Variants in KIF13B observed in about 807,000 individuals in gnomAD.
The protein encoded by KIF13B is kinesin-like protein KIF13B.
KIF13B carries 127 observed loss-of-function variants against 222.0 expected under a neutral mutation model. The observed-to-expected ratio is 0.57, with a 90% CI of 0.50 to 0.66. The LOEUF (loss-of-function observed/expected upper bound fraction) is 0.66, where lower values mean the gene tolerates loss of function less well. KIF13B is among the 30% of genes least tolerant of loss of function. The pLI is 0.00. For missense variants in KIF13B, 2,173 were observed against 2,379.0 expected, an observed-to-expected ratio of 0.91 and a Z score of 1.80; for synonymous variants, 976 against 919.0, an observed-to-expected ratio of 1.06 and a Z score of -1.12.
At chr8:29,217,172 C>T (rs1479052803) in intron 2 of KIF13B, among the ~76,000 whole-genome samples, 1 of 152,210 alleles carries the variant, frequency 6.6e-6, no homozygotes, top group South Asian at 2.1e-4. Flanking sequence ...TGTGCTCCCC[C>T]ACCCTGTAGA....
chr8:29,152,282 G>T (rs1266077930), intron 14 of KIF13B, among the ~76,000 whole-genome samples: 3 of 152,162 alleles, frequency 2.0e-5, no homozygotes, highest in African/African-American at 7.2e-5. Context: ...GACAACAGAG[G>T]GTTTAGAATA....
chr8:29,156,579 A>G (rs531735115), intron 13 of KIF13B, among the ~76,000 whole-genome samples: 23 of 152,012 alleles, frequency 1.5e-4, no homozygotes, highest in African/African-American at 5.3e-4. Context: ...CAGAGACACT[A>G]TCCATGCTCA....
intron 9 of KIF13B, among the ~76,000 whole-genome samples, chr8:29,177,032 C>T (rs1812509055): frequency 6.6e-6 from 1 of 152,208 alleles, no homozygotes; most frequent in African/African-American, 2.4e-5. Flanking sequence ...AGCTTTGATC[C>T]TCTCTATAGC....
At chr8:29,095,532 C>T (rs552663502) in intron 36 of KIF13B, among the ~76,000 whole-genome samples, 3 of 152,208 alleles carry the variant, frequency 2.0e-5, no homozygotes, top group African/African-American at 4.8e-5. Context: ...TTTGGGAGGC[C>T]GAGGCGGGTG....
At chr8:29,209,885 C>CAAAAA (rs11414197) in intron 2 of KIF13B, among the ~76,000 whole-genome samples, 2 of 107,494 alleles carry the variant, frequency 1.9e-5, no homozygotes, top group Non-Finnish European at 3.5e-5. Flanking sequence ...TACCTCTCCA[C>CAAAAA]AAAAAAAAAA....
chr8:29,262,732 G>T (rs1333832968), intron 1 of KIF13B, among the ~76,000 whole-genome samples: 1 of 151,512 alleles, frequency 6.6e-6, no homozygotes, highest in East Asian at 1.9e-4. Context: ...GCAGGCGGAA[G>T]GGGCAGCGGG....
chr8:29,213,731 C>T (rs1164194842), intron 2 of KIF13B, among the ~76,000 whole-genome samples: 1 of 151,896 alleles, frequency 6.6e-6, no homozygotes, highest in Non-Finnish European at 1.5e-5. Context: ...GGTGGATCAC[C>T]TGAGGTCAGG....
intron 14 of KIF13B, among the ~76,000 whole-genome samples, chr8:29,154,218 G>A (rs1039195087): frequency 5.9e-5 from 9 of 152,148 alleles, no homozygotes; most frequent in East Asian, 1.9e-4. Context: ...TCAGCAGGAC[G>A]AGGTGGGAGG....
intron 37 of KIF13B, among the ~76,000 whole-genome samples, chr8:29,090,732 CAG>C (rs1052751917): frequency 3.3e-5 from 5 of 152,272 alleles, no homozygotes; most frequent in Admixed American, 2.0e-4. Context: ...TACTTTGAGA[CAG>C]AGTCTCACTC....
intron 3 of KIF13B, among the ~76,000 whole-genome samples, chr8:29,192,944 G>C (rs1046416861): frequency 6.6e-6 from 1 of 152,154 alleles, no homozygotes; most frequent in Non-Finnish European, 1.5e-5. Context: ...CCTGCAGGGA[G>C]AGCACAGGCT....
At chr8:29,156,450 T>C (rs190280314) in intron 13 of KIF13B, among the ~76,000 whole-genome samples, 1 of 152,284 alleles carries the variant, frequency 6.6e-6, no homozygotes, top group African/African-American at 2.4e-5. Flanking sequence ...TAGAGCTACA[T>C]ACTTTAGTTC....
intron 14 of KIF13B, among the ~76,000 whole-genome samples, chr8:29,150,642 C>T (rs1165239958): frequency 2.0e-5 from 3 of 152,150 alleles, no homozygotes; most frequent in East Asian, 1.9e-4. Flanking sequence ...TTTACAAACG[C>T]TATCCTATGT....
chr8:29,199,829 A>T (rs368716354), intron 2 of KIF13B, among the ~76,000 whole-genome samples: 1 of 152,164 alleles, frequency 6.6e-6, no homozygotes, highest in East Asian at 1.9e-4. Context: ...ATGATTACCT[A>T]ATAAAAGGTT....
chr8:29,167,486 G>C lies in KIF13B; in HGVS notation c.1045C>G (p.Arg349Gly). ...GCGTGGTTTACAATGTGCTTGGCTC[G>C]ATCTGCATACCGCAGAGTTGAGAGG... ...ETLSTLRYADRAKHIVNHAVV... is the reference protein window; with the variant it reads ...ETLSTLRYADGAKHIVNHAVV... The change falls in exon 11 of 40, where the codon CGA (arginine) becomes GGA (glycine). Residue 349 changes from arginine to glycine, a missense_variant. Coordinates refer to ENST00000524189, the MANE Select transcript of KIF13B (RefSeq NM_015254.4). 3 of 1,613,912 alleles carry C rather than the reference G, an allele frequency of 1.9e-6. No individual in the cohort carries two copies. Among genetic ancestry groups the C allele is most frequent in the Non-Finnish European group, 2.5e-6 (3 of 1,179,796 alleles).
intron 18 of KIF13B, among the ~76,000 whole-genome samples, chr8:29,144,001 GA>G (rs150364713): frequency 6.9e-6 from 1 of 145,354 alleles, no homozygotes; most frequent in Non-Finnish European, 1.5e-5. Context: ...TTTTAATGTA[GA>G]AAAAATTTTA....
chr8:29,245,574 T>A, intron 1 of KIF13B, 135 bp from the exon 2 acceptor site: 1 of 631,270 alleles, frequency 1.6e-6, no homozygotes. Context: ...AAAAAAAACT[T>A]CCTCCACTTG....
chr8:29,146,275 G>T, intron 18 of KIF13B, 103 bp downstream of exon 18: 1 of 1,159,982 alleles, frequency 8.6e-7, no homozygotes, highest in South Asian at 1.2e-5. Flanking sequence ...ATCTGGACTT[G>T]GGGCAGGCAC....
At chr8:29,109,346 G>T in intron 34 of KIF13B, 88 bp downstream of exon 34, 2 of 1,021,238 alleles carry the variant, frequency 2.0e-6, no homozygotes, top group Non-Finnish European at 3.1e-6. Context: ...TCGGAGATGG[G>T]GTTTGACGGG....
intron 37 of KIF13B, among the ~76,000 whole-genome samples, chr8:29,077,612 C>T (rs772470705): frequency 8.5e-5 from 13 of 152,194 alleles, no homozygotes; most frequent in African/African-American, 1.9e-4. Context: ...GGATGTTAAG[C>T]GCCTAACATG....
Sources: gnomAD v4.1 joint callset for allele counts (sites outside exome capture counted in the v4.1 genomes callset) on GRCh38, gnomAD v4.1.1 for gene constraint, MANE v1.5 for transcripts, NCBI Gene and HGNC (gene_info 2026-07-23, HGNC 2026-07-21) for gene names.